The following GPC3 variants were observed in gnomAD, a reference collection of about 807,000 sequenced individuals.
GPC3 encodes glypican-3.
A neutral mutation model predicts 34.4 loss-of-function variants in GPC3; 3 were observed. The observed-to-expected ratio is 0.09, with a 90% CI of 0.04 to 0.23. The LOEUF is 0.23. Ranked by LOEUF, GPC3 falls within the 10% of genes least tolerant of loss-of-function variation. The probability of loss-of-function intolerance (pLI) is 1.00; values close to 1 mark genes in which losing one functional copy is unlikely to be tolerated. For synonymous variants in GPC3, 177 were observed against 174.0 expected (o/e 1.02, Z -0.13); for missense variants, 351 against 445.6 (o/e 0.79, Z 1.91).
chrX:133,585,560 C>G (rs1230297982), intron 7 of GPC3, among the ~76,000 whole-genome samples: 4 of 111,863 alleles, frequency 3.6e-5, no homozygotes, highest in Non-Finnish European at 3.8e-5. Context: ...TTCTGCTATG[C>G]TATTTCTTCT....
Position 133,985,479 on chromosome X carries a change from G to A in GPC3, c.-30C>T. The A allele has an allele frequency of 8.7e-7, 1 of 1,155,691 alleles. No individual in the cohort carries two copies. Among genetic ancestry groups the A allele is most frequent in the Non-Finnish European group, 1.2e-6 (1 of 863,900 alleles). ...CTTCGCAGGGAGCTAGGAGAGCGCGGGAGAGTGGCAGCCGGAGCGAGAGCA... is the reference window on the plus strand; with the variant it reads ...CTTCGCAGGGAGCTAGGAGAGCGCGAGAGAGTGGCAGCCGGAGCGAGAGCA... On this transcript the variant is annotated 5_prime_UTR_variant, in exon 1 of 8. Coordinates refer to ENST00000370818, the MANE Select transcript of GPC3 (RefSeq NM_004484.4).
At chrX:133,617,050 C>T (rs777572233) in intron 6 of GPC3, among the ~76,000 whole-genome samples, 1 of 111,111 alleles carries the variant, frequency 9.0e-6, no homozygotes, top group South Asian at 3.8e-4. Flanking sequence ...AAAGAATGCT[C>T]TTTTTTAAAA....
intron 6 of GPC3, among the ~76,000 whole-genome samples, chrX:133,608,314 T>C (rs1261769731): frequency 8.9e-6 from 1 of 112,397 alleles, no homozygotes; most frequent in Non-Finnish European, 1.9e-5. Flanking sequence ...GGACAAAATA[T>C]AACTTTTTTT....
At chrX:133,593,368 A>AT (rs1435893197) in intron 7 of GPC3, among the ~76,000 whole-genome samples, 1 of 106,862 alleles carries the variant, frequency 9.4e-6, no homozygotes, top group East Asian at 2.9e-4. Flanking sequence ...AAAAAAAAAA[A>AT]AAAGAAATAA....
chrX:133,848,427 A>G (rs757440464), intron 2 of GPC3, among the ~76,000 whole-genome samples: 1 of 112,284 alleles, frequency 8.9e-6, no homozygotes, highest in Non-Finnish European at 1.9e-5. Flanking sequence ...GGACTGGAAG[A>G]TGAACTAGGA....
At chrX:133,637,582 A>G (rs1376520830) in intron 6 of GPC3, among the ~76,000 whole-genome samples, 1 of 111,671 alleles carries the variant, frequency 9.0e-6, no homozygotes, top group African/African-American at 3.3e-5. Context: ...GTTGTCCAGA[A>G]GAAAATTCTA....
chrX:133,903,306 C>T (rs1208274235), intron 2 of GPC3, among the ~76,000 whole-genome samples: 1 of 111,739 alleles, frequency 8.9e-6, no homozygotes, highest in African/African-American at 3.3e-5. Flanking sequence ...GTTTTTATGG[C>T]CGGGCATGGT....
At chrX:133,884,225 T>C (rs1031407924) in intron 2 of GPC3, among the ~76,000 whole-genome samples, 3 of 111,680 alleles carry the variant, frequency 2.7e-5, no homozygotes, top group East Asian at 2.8e-4. Flanking sequence ...CGTTTACCAA[T>C]TGCCCTAAGA....
At chrX:133,608,244 C>T (rs921861940) in intron 6 of GPC3, among the ~76,000 whole-genome samples, 6 of 112,778 alleles carry the variant, frequency 5.3e-5, no homozygotes, top group Non-Finnish European at 9.4e-5. Flanking sequence ...CCTTGCTACC[C>T]GCTTTGTGGA....
At chrX:133,984,436 C>G (rs1221903120) in intron 1 of GPC3, among the ~76,000 whole-genome samples, 1 of 112,308 alleles carries the variant, frequency 8.9e-6, no homozygotes, top group Non-Finnish European at 1.9e-5. Flanking sequence ...CGGCAGCCCT[C>G]GGCTGATGTT....
intron 6 of GPC3, among the ~76,000 whole-genome samples, chrX:133,604,538 C>T (rs2070025274): frequency 9.0e-6 from 1 of 111,388 alleles, no homozygotes; most frequent in Admixed American, 9.6e-5. Context: ...TGAAAAGCTT[C>T]AGACAGCTGG....
chrX:133,760,017 A>G (rs551102100), intron 2 of GPC3, among the ~76,000 whole-genome samples: 5 of 111,829 alleles, frequency 4.5e-5, no homozygotes, highest in Non-Finnish European at 9.4e-5. Flanking sequence ...ACAGATGGGG[A>G]AAAAAAACTA....
chrX:133,931,482 T>C (rs1419831598), intron 2 of GPC3, among the ~76,000 whole-genome samples: 2 of 111,198 alleles, frequency 1.8e-5, no homozygotes, highest in Non-Finnish European at 3.8e-5. Context: ...CCACTGGCTA[T>C]GGGGAAAGAA....
At chrX:133,890,460 G>A (rs763348618) in intron 2 of GPC3, among the ~76,000 whole-genome samples, 1 of 110,821 alleles carries the variant, frequency 9.0e-6, no homozygotes, top group South Asian at 3.9e-4. Context: ...GTTCATACCT[G>A]TAATCCCAGC....
chrX:133,693,177 G>GTA (rs1364360050), intron 4 of GPC3, among the ~76,000 whole-genome samples: 2 of 107,606 alleles, frequency 1.9e-5, no homozygotes, highest in Non-Finnish European at 3.8e-5. Context: ...GTGTGTGTGT[G>GTA]TGTGTGTGTG....
intron 2 of GPC3, among the ~76,000 whole-genome samples, chrX:133,787,353 G>T (rs1402425374): frequency 8.9e-6 from 1 of 112,513 alleles, no homozygotes; most frequent in East Asian, 2.8e-4. Context: ...TACTAGTTAG[G>T]TTCTGGTGGG....
At chrX:133,623,940 A>G (rs899325877) in intron 6 of GPC3, among the ~76,000 whole-genome samples, 1 of 112,105 alleles carries the variant, frequency 8.9e-6, no homozygotes, top group Non-Finnish European at 1.9e-5. Flanking sequence ...ATAAAAGAAC[A>G]GAAATTTTAA....
rs201791646 is a variant in GPC3 at position 133,859,297 on chromosome X, A to G, written c.337+93753T>C. On this transcript the variant is annotated intron_variant, in intron 2 of 7. Transcript: ENST00000370818. ...TTTCTAGGAACTTTCCCAACCATAC[A>G]GGGGTGCTGAGCCAGTCTTCCTGGA... 4.5e-5 allele frequency among the ~76,000 whole-genome samples: 5 copies of G among 110,491 alleles called. No homozygotes were observed. In the East Asian group the frequency reaches 1.1e-3, roughly 25 times the overall value.
chrX:133,915,614 G>T (rs1225620720), intron 2 of GPC3, among the ~76,000 whole-genome samples: 1 of 112,529 alleles, frequency 8.9e-6, no homozygotes, highest in Non-Finnish European at 1.9e-5. Flanking sequence ...CCCATCAGGG[G>T]TTTCTGGCTT....
Sources: allele counts gnomAD v4.1 joint callset (sites outside exome capture counted in the v4.1 genomes callset), GRCh38; gene constraint gnomAD v4.1.1; transcripts MANE v1.5; gene names NCBI Gene and HGNC (gene_info 2026-07-23, HGNC 2026-07-21).